The following PDE3B variants were observed in gnomAD, a reference collection of about 807,000 sequenced individuals.
PDE3B encodes phosphodiesterase 3B, also known as cGMP-inhibited 3',5'-cyclic phosphodiesterase 3B.
PDE3B carries 66 observed loss-of-function variants against 116.8 expected under a neutral mutation model. The observed-to-expected ratio is 0.56, with a 90% CI of 0.46 to 0.69. PDE3B has a LOEUF of 0.69. Among genes scored for constraint, PDE3B ranks in the 30% least tolerant of loss-of-function variants. PDE3B has a pLI of 0.00. For missense variants in PDE3B, 1,384 were observed against 1,368.1 expected, an observed-to-expected ratio of 1.01 and a Z score of -0.18; for synonymous variants, 595 against 533.6, an observed-to-expected ratio of 1.12 and a Z score of -1.59.
intron 4 of PDE3B, among the ~76,000 whole-genome samples, chr11:14,791,640 A>T (rs1858395860): frequency 6.6e-6 from 1 of 152,074 alleles, no homozygotes; most frequent in Admixed American, 6.6e-5. Context: ...TACTTGGGCT[A>T]TTGAATTAGC....
chr11:14,757,644 G>A lies in PDE3B; in HGVS notation c.979-14293G>A, dbSNP rs1857231967. On this transcript the variant is annotated intron_variant, in intron 1 of 15. Transcript: ENST00000282096. The stretch of plus-strand genomic sequence containing the variant: ...TCATGTCCTTCACCCACTTGTTGAT[G>A]GGGTTGTGTGTTTTTTTCTTGTAAA... Among the ~76,000 whole-genome samples the A allele has an allele frequency of 2.5e-5, 2 of 79,096 alleles. 1 individual carries two copies. Among genetic ancestry groups the A allele is most frequent in the African/African-American group, 1.3e-4 (2 of 14,954 alleles). 51.9% of individuals were successfully genotyped at this position (79,096 alleles called of 152,430 possible). A position where few individuals can be genotyped will look rare whatever the true frequency, so the allele number is the denominator to read the frequency against.
chr11:14,832,051 G>A (rs532037071), intron 9 of PDE3B, among the ~76,000 whole-genome samples: 1 of 152,122 alleles, frequency 6.6e-6, no homozygotes, highest in Non-Finnish European at 1.5e-5. Flanking sequence ...TGAATGTGGA[G>A]GTTGAAAAGG....
chr11:14,650,865 A>G (rs1257791726), intron 1 of PDE3B, among the ~76,000 whole-genome samples: 1 of 152,032 alleles, frequency 6.6e-6, no homozygotes, highest in African/African-American at 2.4e-5. Context: ...TAGAGCTCCC[A>G]GAAAGTATTG....
At chr11:14,768,540 T>C (rs1416117764) in intron 1 of PDE3B, among the ~76,000 whole-genome samples, 3 of 151,608 alleles carry the variant, frequency 2.0e-5, no homozygotes, top group African/African-American at 2.4e-5. Flanking sequence ...ACGATGTAGC[T>C]GTATGTACTT....
chr11:14,860,704 C>T (rs919591659), intron 13 of PDE3B, among the ~76,000 whole-genome samples: 2 of 152,050 alleles, frequency 1.3e-5, no homozygotes, highest in Admixed American at 1.3e-4. Context: ...ATACAACTTG[C>T]TGATTCATGA....
At chr11:14,895,637 C>T in the PDE3B span, among the ~76,000 whole-genome samples, 3 of 152,166 alleles carry the variant, frequency 2.0e-5, no homozygotes, top group African/African-American at 7.2e-5. Context: ...GGCTGGCAGA[C>T]CAGTAGCACT....
chr11:14,661,639 C>T lies in PDE3B; in HGVS notation c.978+16586C>T, dbSNP rs764530106. ...CTTTTCCGACGGGCTTAAAAAACGGCGCACCACAAGATTATATCCCGCACC... is the reference window on the plus strand; with the variant it reads ...CTTTTCCGACGGGCTTAAAAAACGGTGCACCACAAGATTATATCCCGCACC... On this transcript the variant is annotated intron_variant, in intron 1 of 15. Transcript: ENST00000282096. Among the ~76,000 whole-genome samples the T allele has an allele frequency of 3.8e-4, 58 of 152,196 alleles. 2 individuals carry two copies. Among genetic ancestry groups the T allele is most frequent in the Admixed American group, 2.7e-3 (41 of 15,282 alleles).
chr11:14,819,868 T>A (rs964914334), intron 7 of PDE3B, among the ~76,000 whole-genome samples: 6 of 151,326 alleles, frequency 4.0e-5, no homozygotes, highest in African/African-American at 1.5e-4. Context: ...ATCAAAAGAG[T>A]GTATGCCAAT....
Position 14,844,021 on chromosome 11 carries a change from C to T in PDE3B, c.2515C>T (p.Pro839Ser). Residue 839 changes from proline (P) to serine (S), a missense_variant, in exon 12 of 16, where the codon CCT becomes TCT. Transcript: ENST00000282096. ...TNAFLVATNAPQAVLYNDRSV... is the reference protein window; with the variant it reads ...TNAFLVATNASQAVLYNDRSV... ...TGCATTTCTAGTGGCTACAAATGCC[C>T]CTCAGGTAGGAAATATTTTTAAGAA... The T allele has an allele frequency of 6.2e-7, 1 of 1,610,516 alleles. No individual in the cohort carries two copies. The highest frequency in any genetic ancestry group is 8.5e-7 in the Non-Finnish European group (1 of 1,176,888).
intron 2 of PDE3B, among the ~76,000 whole-genome samples, chr11:14,783,938 T>C (rs992898318): frequency 9.2e-5 from 14 of 152,116 alleles, no homozygotes; most frequent in East Asian, 1.9e-4. Context: ...AGATGAGCAG[T>C]GGGCAGATGA....
At chr11:14,854,707 G>A (rs968295965) in intron 12 of PDE3B, among the ~76,000 whole-genome samples, 3 of 152,182 alleles carry the variant, frequency 2.0e-5, no homozygotes, top group African/African-American at 7.2e-5. Flanking sequence ...AGTAGAGATG[G>A]GGTTTCACCA....
the PDE3B span, chr11:14,891,201 T>C: frequency 1.0e-6 from 1 of 985,338 alleles, no homozygotes; most frequent in Non-Finnish European, 1.2e-6. Flanking sequence ...GGCATTTCCG[T>C]GCTGCTTTCC....
intron 1 of PDE3B, among the ~76,000 whole-genome samples, chr11:14,711,287 C>T (rs988300959): frequency 5.3e-5 from 8 of 152,268 alleles, no homozygotes; most frequent in African/African-American, 1.9e-4. Context: ...TCTTATATGA[C>T]TCTCAGATAG....
intron 1 of PDE3B, among the ~76,000 whole-genome samples, chr11:14,721,440 C>G (rs1459885021): frequency 2.6e-5 from 4 of 151,038 alleles, no homozygotes; most frequent in African/African-American, 4.9e-5. Context: ...ACCCAAAGGA[C>G]TATAAATCAT....
intron 1 of PDE3B, among the ~76,000 whole-genome samples, chr11:14,710,955 G>A (rs761591373): frequency 2.0e-5 from 3 of 152,138 alleles, no homozygotes; most frequent in Non-Finnish European, 4.4e-5. Context: ...TGCCTATATT[G>A]CTTTCTTGCT....
intron 2 of PDE3B, among the ~76,000 whole-genome samples, chr11:14,781,376 A>G (rs927911100): frequency 2.6e-5 from 4 of 152,188 alleles, no homozygotes; most frequent in Non-Finnish European, 5.9e-5. Flanking sequence ...ATTTTAGACC[A>G]GTATCCCTGA....
intron 4 of PDE3B, among the ~76,000 whole-genome samples, chr11:14,798,820 T>A (rs1242456539): frequency 6.6e-6 from 1 of 152,234 alleles, no homozygotes; most frequent in Non-Finnish European, 1.5e-5. Context: ...GATTCTTTTC[T>A]TATTCTTCCT....
At chr11:14,888,308 C>G in the PDE3B span, among the ~76,000 whole-genome samples, 5 of 152,304 alleles carry the variant, frequency 3.3e-5, 1 homozygote, top group South Asian at 1.0e-3. Flanking sequence ...GCACCTAGGA[C>G]AGTGCACAGC....
chr11:14,750,233 A>G (rs774151540), intron 1 of PDE3B, among the ~76,000 whole-genome samples: 33 of 152,202 alleles, frequency 2.2e-4, no homozygotes, highest in Non-Finnish European at 4.0e-4. Flanking sequence ...CTAGATACAT[A>G]CAGAATAGAA....
Sources: allele counts gnomAD v4.1 joint callset (sites outside exome capture counted in the v4.1 genomes callset), GRCh38; gene constraint gnomAD v4.1.1; transcripts MANE v1.5; gene names NCBI Gene and HGNC (gene_info 2026-07-23, HGNC 2026-07-21).